The following UGT1A8 variants were observed in gnomAD, a reference collection of about 807,000 sequenced individuals.
UGT1A8 encodes the protein UDP glucuronosyltransferase family 1 member A8.
UGT1A8 carries 39 observed loss-of-function variants against 45.3 expected under a neutral mutation model. That is an observed-to-expected ratio of 0.86 (90% CI 0.67 to 1.12). UGT1A8 has a LOEUF of 1.12. Among genes scored for constraint, UGT1A8 ranks in the 50% most tolerant of loss-of-function variants. The pLI is 0.00. For missense variants in UGT1A8, 719 were observed against 664.9 expected, an observed-to-expected ratio of 1.08 and a Z score of -0.90; for synonymous variants, 275 against 249.2, an observed-to-expected ratio of 1.10 and a Z score of -0.97.
intron 1 of UGT1A8, among the ~76,000 whole-genome samples, chr2:233,724,320 G>A (rs1387925983): frequency 4.7e-5 from 7 of 147,896 alleles, no homozygotes; most frequent in East Asian, 4.4e-4. Context: ...GGACGGGGCG[G>A]CTGGCCAGGC....
intron 1 of UGT1A8, among the ~76,000 whole-genome samples, chr2:233,626,490 T>A (rs1053155624): frequency 1.3e-5 from 2 of 152,110 alleles, no homozygotes. Context: ...GTATCCATAA[T>A]CCCTTTCATG....
chr2:233,682,065 C>T (rs1307914896), intron 1 of UGT1A8: 1 of 1,613,818 alleles, frequency 6.2e-7, no homozygotes, highest in Non-Finnish European at 8.5e-7. Flanking sequence ...ACCATGCAGT[C>T]GGTGGTGGAG....
At chr2:233,634,918 A>G (rs914614760) in intron 1 of UGT1A8, among the ~76,000 whole-genome samples, 3 of 150,740 alleles carry the variant, frequency 2.0e-5, no homozygotes, top group African/African-American at 7.4e-5. Context: ...ACAATTGGGT[A>G]TGTTTGTGCA....
At chr2:233,659,833 C>T (rs768192355) in intron 1 of UGT1A8, among the ~76,000 whole-genome samples, 11 of 152,196 alleles carry the variant, frequency 7.2e-5, no homozygotes, top group East Asian at 1.9e-4. Flanking sequence ...CTTCAATAAT[C>T]GGAATCCTTC....
rs1559318321 is a variant in UGT1A8 at position 233,636,919 on chromosome 2, T to G, written c.855+18357T>G. 8 of 1,614,162 alleles carry G rather than the reference T, an allele frequency of 5.0e-6. No individual in the cohort carries two copies. Among genetic ancestry groups the G allele is most frequent in the Non-Finnish European group, 6.8e-6 (8 of 1,180,040 alleles). Reference sequence around the variant, plus strand: ...CAGGAGTTTGTTTAATGACCGAAAATTAGTAGAATACTTAAAGGAGAGTTC... The same window carrying G: ...CAGGAGTTTGTTTAATGACCGAAAAGTAGTAGAATACTTAAAGGAGAGTTC... On this transcript the variant is annotated intron_variant, in intron 1 of 4. Transcript: ENST00000373450.
chr2:233,764,085 G>T (rs1214257017), intron 1 of UGT1A8, among the ~76,000 whole-genome samples: 1 of 152,154 alleles, frequency 6.6e-6, no homozygotes, highest in African/African-American at 2.4e-5. Flanking sequence ...CTAATTAAAA[G>T]CCTAAACTAA....
At chr2:233,760,002 C>T (rs1697301368) in intron 1 of UGT1A8, among the ~76,000 whole-genome samples, 1 of 152,194 alleles carries the variant, frequency 6.6e-6, no homozygotes, top group Admixed American at 6.5e-5. Flanking sequence ...TGTGGAAATA[C>T]TAATTTAATG....
At chr2:233,667,011 G>A (rs1243672649) in intron 1 of UGT1A8, among the ~76,000 whole-genome samples, 3 of 152,058 alleles carry the variant, frequency 2.0e-5, no homozygotes, top group African/African-American at 7.2e-5. Context: ...AGTATTCCAT[G>A]GTGTGTATGT....
intron 1 of UGT1A8, among the ~76,000 whole-genome samples, chr2:233,671,297 G>T (rs1282549359): frequency 6.6e-6 from 1 of 152,274 alleles, no homozygotes; most frequent in East Asian, 1.9e-4. Context: ...AATAGGAGAC[G>T]GTTACTTTCC....
chr2:233,658,616 G>A (rs1028610005), intron 1 of UGT1A8, among the ~76,000 whole-genome samples: 2 of 152,166 alleles, frequency 1.3e-5, no homozygotes, highest in Non-Finnish European at 2.9e-5. Context: ...GTCTTGGTTT[G>A]TCTGATGTTT....
chr2:233,617,633 G>C lies in UGT1A8; in HGVS notation c.-75G>C. 1 of 1,532,200 alleles carries C rather than the reference G, an allele frequency of 6.5e-7. No homozygotes were observed. Among genetic ancestry groups the C allele is most frequent in the Non-Finnish European group, 8.8e-7 (1 of 1,140,428 alleles). 94.9% of individuals were successfully genotyped at this position (1,532,200 alleles called of 1,614,324 possible). ...ACGCCCTCTATTGGGGTCAGGTTTT[G>C]TGCCTGTAGTTCTTCCGCCTACTGT... On this transcript the variant is annotated 5_prime_UTR_variant, in exon 1 of 5. Coordinates refer to ENST00000373450, the MANE Select transcript of UGT1A8 (RefSeq NM_019076.5).
chr2:233,622,464 C>T (rs2073026258), intron 1 of UGT1A8, among the ~76,000 whole-genome samples: 2 of 152,184 alleles, frequency 1.3e-5, no homozygotes, highest in South Asian at 2.1e-4. Flanking sequence ...TTTTGATTTG[C>T]ATTTCTGTGA....
rs753135501 is a variant in UGT1A8 at position 233,713,577 on chromosome 2, A to G, written c.856-53457A>G. 3.1e-6 allele frequency: 5 copies of G among 1,613,836 alleles called. No homozygotes were observed. The African/African-American group carries it at 5.3e-5, about 17-fold the overall frequency. ...TCCAAACCCTTCCTCCTATATTCCTAGATTACTAACGACCAATTCAGACCA... is the reference window on the plus strand; with the variant it reads ...TCCAAACCCTTCCTCCTATATTCCTGGATTACTAACGACCAATTCAGACCA... On this transcript the variant is annotated intron_variant, in intron 1 of 4. Coordinates refer to ENST00000373450, the MANE Select transcript of UGT1A8 (RefSeq NM_019076.5).
rs543025960 is a variant in UGT1A8, at chr2:233,648,655, G to A, written c.855+30093G>A. The A allele has an allele frequency of 1.8e-4, 47 of 263,894 alleles. No individual in the cohort carries two copies. The South Asian group carries it at 2.1e-3, about 12-fold the overall frequency. The allele number at this position is 263,894 out of a possible 1,614,324, so 16.3% of individuals were successfully genotyped here. A position where few individuals can be genotyped will look rare whatever the true frequency, so the allele number is the denominator to read the frequency against. On this transcript the variant is annotated intron_variant, in intron 1 of 4. Transcript: ENST00000373450. ...TTTTTTTTGTATTTTTAGTGGAGACGGGGTTTCACCGTGTTAGCCAGGATG... is the reference window on the plus strand; with the variant it reads ...TTTTTTTTGTATTTTTAGTGGAGACAGGGTTTCACCGTGTTAGCCAGGATG...
intron 1 of UGT1A8, among the ~76,000 whole-genome samples, chr2:233,700,723 A>T (rs1341178459): frequency 6.6e-6 from 1 of 151,984 alleles, no homozygotes; most frequent in African/African-American, 2.4e-5. Context: ...TTTTTTTAAA[A>T]ATTTTATTAT....
At chr2:233,757,560 A>ATATATATATATATATG (rs904896556) in intron 1 of UGT1A8, among the ~76,000 whole-genome samples, 35 of 123,152 alleles carry the variant, frequency 2.8e-4, no homozygotes, top group African/African-American at 1.1e-3. Context: ...ATATATATAT[A>ATATATATATATATATG]TGTATATATG....
chr2:233,649,082 A>T (rs773767959), intron 1 of UGT1A8: 20 of 902,962 alleles, frequency 2.2e-5, no homozygotes, highest in Non-Finnish European at 2.9e-5. Context: ...ATATTTAAAA[A>T]GATTCCTTAC....
intron 1 of UGT1A8, among the ~76,000 whole-genome samples, chr2:233,650,175 G>T (rs1441774103): frequency 1.3e-5 from 2 of 152,104 alleles, no homozygotes; most frequent in East Asian, 3.9e-4. Context: ...TCTCCATGTT[G>T]GTCAGGCTGG....
chr2:233,627,628 C>T (rs865779399), intron 1 of UGT1A8, among the ~76,000 whole-genome samples: 3 of 83,418 alleles, frequency 3.6e-5, no homozygotes, highest in Admixed American at 1.2e-4. Context: ...TTCCTTTCTT[C>T]CTTCCTTCCT....
Sources: allele counts gnomAD v4.1 joint callset (sites outside exome capture counted in the v4.1 genomes callset), GRCh38; gene constraint gnomAD v4.1.1; transcripts MANE v1.5; gene names NCBI Gene and HGNC (gene_info 2026-07-23, HGNC 2026-07-21).